The following ADARB2 variants were observed in gnomAD, a reference collection of about 807,000 sequenced individuals.
The protein encoded by ADARB2 is inactive double-stranded RNA-specific editase B2.
In ADARB2, 25 loss-of-function variants were observed where a neutral mutation model predicts 62.2. That is an observed-to-expected ratio of 0.40 (90% CI 0.29 to 0.56). ADARB2 has a LOEUF of 0.56. Among genes scored for constraint, ADARB2 ranks in the 20% least tolerant of loss-of-function variants. The probability of loss-of-function intolerance (pLI) is 0.43; values close to 1 mark genes in which losing one functional copy is unlikely to be tolerated. For synonymous variants in ADARB2, 572 were observed against 500.8 expected (o/e 1.14, Z -1.90); for missense variants, 1,071 against 1,077.4 (o/e 0.99, Z 0.08).
intron 1 of ADARB2, among the ~76,000 whole-genome samples, chr10:1,467,225 C>G (rs1360474481): frequency 6.6e-6 from 1 of 152,148 alleles, no homozygotes; most frequent in Non-Finnish European, 1.5e-5. Context: ...CGGTTTAGCT[C>G]TTCTCTACCA....
intron 1 of ADARB2, among the ~76,000 whole-genome samples, chr10:1,730,229 G>A (rs905369816): frequency 8.5e-5 from 13 of 152,178 alleles, no homozygotes; most frequent in Non-Finnish European, 5.9e-5. Flanking sequence ...TGCTGGCACC[G>A]TTAAAAAGAC....
At chr10:1,226,790 C>T (rs888362992) in intron 6 of ADARB2, among the ~76,000 whole-genome samples, 2 of 152,158 alleles carry the variant, frequency 1.3e-5, no homozygotes, top group African/African-American at 2.4e-5. Context: ...TAGAGGAGTA[C>T]CCGGCTGTGT....
intron 1 of ADARB2, among the ~76,000 whole-genome samples, chr10:1,735,326 C>T (rs1447054417): frequency 6.6e-6 from 1 of 152,064 alleles, no homozygotes; most frequent in Non-Finnish European, 1.5e-5. Context: ...TTCCTTTTTC[C>T]CCCTAAATTG....
rs143843582 is a variant in ADARB2 at position 1,313,342 on chromosome 10, G to T, written c.1078-42273C>A. ...CTCCTTGGGCCTTCCACAGCCAGGG[G>T]TGTCCTGCTGCCTGCCAGGGGGTCC... On this transcript the variant is annotated intron_variant, in intron 3 of 9. Coordinates refer to ENST00000381312, the MANE Select transcript of ADARB2 (RefSeq NM_018702.4). 6.3e-3 allele frequency among the ~76,000 whole-genome samples: 955 copies of T among 152,330 alleles called. 11 individuals carry two copies. The highest frequency in any genetic ancestry group is 8.6e-3 in the Non-Finnish European group (583 of 68,024).
intron 1 of ADARB2, among the ~76,000 whole-genome samples, chr10:1,517,222 G>A (rs887826601): frequency 8.5e-5 from 13 of 152,088 alleles, no homozygotes; most frequent in Non-Finnish European, 1.9e-4. Flanking sequence ...TACCGTATGT[G>A]CTTAAATGGT....
At chr10:1,632,077 T>G (rs1833850941) in intron 1 of ADARB2, among the ~76,000 whole-genome samples, 1 of 152,240 alleles carries the variant, frequency 6.6e-6, no homozygotes. Context: ...GGTATACATC[T>G]TAGAAACATC....
intron 3 of ADARB2, among the ~76,000 whole-genome samples, chr10:1,297,784 G>A (rs1350711557): frequency 1.3e-5 from 2 of 152,174 alleles, no homozygotes; most frequent in African/African-American, 2.4e-5. Context: ...CTAGAGACGC[G>A]GGCACAGCCA....
chr10:1,510,159 T>G (rs1434662103), intron 1 of ADARB2, among the ~76,000 whole-genome samples: 1 of 145,728 alleles, frequency 6.9e-6, no homozygotes, highest in Non-Finnish European at 1.5e-5. Context: ...TTTCTTTCTT[T>G]CTTTCTTTCT....
intron 2 of ADARB2, among the ~76,000 whole-genome samples, chr10:1,365,585 A>G (rs1319185887): frequency 6.6e-6 from 1 of 152,144 alleles, no homozygotes; most frequent in East Asian, 1.9e-4. Flanking sequence ...TGGGAGTCTT[A>G]CCACCTTCAT....
chr10:1,679,159 GT>G (rs777558652), intron 1 of ADARB2, among the ~76,000 whole-genome samples: 1 of 152,182 alleles, frequency 6.6e-6, no homozygotes, highest in Non-Finnish European at 1.5e-5. Flanking sequence ...TAACCCAGCT[GT>G]GGAGAGAGAA....
chr10:1,382,553 A>T (rs989128343), intron 1 of ADARB2, among the ~76,000 whole-genome samples: 2 of 152,166 alleles, frequency 1.3e-5, no homozygotes, highest in African/African-American at 4.8e-5. Context: ...TTTCCTCGGA[A>T]CTCATTGTCC....
intron 4 of ADARB2, among the ~76,000 whole-genome samples, chr10:1,256,481 T>C (rs1831080319): frequency 6.6e-6 from 1 of 152,208 alleles, no homozygotes; most frequent in Non-Finnish European, 1.5e-5. Flanking sequence ...TGTTGGTTAC[T>C]GAGACAATAA....
At chr10:1,638,684 G>A (rs1025733066) in intron 1 of ADARB2, among the ~76,000 whole-genome samples, 1 of 152,202 alleles carries the variant, frequency 6.6e-6, no homozygotes, top group Non-Finnish European at 1.5e-5. Context: ...TGAGTAGAAT[G>A]AGATTTAGGA....
At chr10:1,385,372 T>C (rs1832517059) in intron 1 of ADARB2, among the ~76,000 whole-genome samples, 1 of 152,156 alleles carries the variant, frequency 6.6e-6, no homozygotes, top group African/African-American at 2.4e-5. Flanking sequence ...ATGTTAGAAA[T>C]ATTTTTAAGA....
intron 1 of ADARB2, among the ~76,000 whole-genome samples, chr10:1,403,794 AG>A: frequency 6.6e-6 from 1 of 152,320 alleles, no homozygotes; most frequent in South Asian, 2.1e-4. Context: ...CGTCCCTCCC[AG>A]TCTCCTGTTG....
intron 3 of ADARB2, among the ~76,000 whole-genome samples, chr10:1,272,185 A>G (rs1831269159): frequency 6.6e-6 from 1 of 152,134 alleles, no homozygotes; most frequent in Non-Finnish European, 1.5e-5. Flanking sequence ...CTCATCCAGG[A>G]GGCAGGAAAC....
chr10:1,530,597 G>A (rs144890285), intron 1 of ADARB2, among the ~76,000 whole-genome samples: 4 of 152,232 alleles, frequency 2.6e-5, no homozygotes, highest in East Asian at 1.9e-4. Flanking sequence ...AGCCTCGTCC[G>A]CCCCTGCGCC....
At position 1,389,784 on chromosome 10, in the gene ADARB2, TAATAAATAAAA is replaced by T. The variant is rs1564277132; in HGVS notation, c.101-10635_101-10625del. Among the ~76,000 whole-genome samples, 11 of 146,766 alleles carry T rather than the reference TAATAAATAAAA, an allele frequency of 7.5e-5. 1 individual carries two copies. The highest frequency in any genetic ancestry group is 2.0e-4 in the African/African-American group (8 of 39,256). ...ATAAATAAATAAATAAATAAATAAA[TAATAAATAAAA>T]AATAAAGGCTGACGGCGCTACATGT... On this transcript the variant is annotated intron_variant, in intron 1 of 9. Coordinates refer to ENST00000381312, the MANE Select transcript of ADARB2 (RefSeq NM_018702.4).
At chr10:1,467,647 G>A (rs986052659) in intron 1 of ADARB2, among the ~76,000 whole-genome samples, 1 of 152,192 alleles carries the variant, frequency 6.6e-6, no homozygotes, top group Non-Finnish European at 1.5e-5. Flanking sequence ...TTAACTGGTC[G>A]ACTTTGCTCC....
Sources: gnomAD v4.1 joint callset for allele counts (sites outside exome capture counted in the v4.1 genomes callset) on GRCh38, gnomAD v4.1.1 for gene constraint, MANE v1.5 for transcripts, NCBI Gene and HGNC (gene_info 2026-07-23, HGNC 2026-07-21) for gene names.